PCDHA8: variants seen among roughly 807,000 people sequenced by gnomAD.
The protein encoded by PCDHA8 is protocadherin alpha-8.
In PCDHA8, 53 loss-of-function variants were observed where a neutral mutation model predicts 61.8. The ratio of observed to expected loss-of-function variants is 0.86; its 90% CI spans 0.69 to 1.08. The LOEUF (loss-of-function observed/expected upper bound fraction) is 1.08. Among genes scored for constraint, PCDHA8 ranks in the 50% least tolerant of loss-of-function variants. The pLI is 0.00. For synonymous variants in PCDHA8, 618 were observed against 556.6 expected, an observed-to-expected ratio of 1.11 and a Z score of -1.55; for missense variants, 1,293 against 1,245.0, an observed-to-expected ratio of 1.04 and a Z score of -0.58.
At chr5:140,863,660 A>G (rs1439004370) in intron 1 of PCDHA8, 2 of 293,826 alleles carry the variant, frequency 6.8e-6, no homozygotes, top group Non-Finnish European at 1.3e-5. Flanking sequence ...TGATTGCTTT[A>G]TTTATTTTGC....
intron 1 of PCDHA8, among the ~76,000 whole-genome samples, chr5:140,902,712 C>T (rs1207971068): frequency 6.6e-6 from 1 of 152,008 alleles, no homozygotes; most frequent in African/African-American, 2.4e-5. Flanking sequence ...CTTTCACTCC[C>T]CTCCCACCCT....
chr5:140,932,125 A>G (rs1272736604), intron 1 of PCDHA8, among the ~76,000 whole-genome samples: 1 of 151,932 alleles, frequency 6.6e-6, no homozygotes, highest in African/African-American at 2.4e-5. Context: ...ATAATATTTA[A>G]GATATAAACA....
chr5:140,967,747 A>G (rs782650276), intron 1 of PCDHA8: 36 of 1,614,042 alleles, frequency 2.2e-5, no homozygotes, highest in Non-Finnish European at 3.0e-5. Context: ...ATTATGAGGA[A>G]GCCTCCTCCT....
At chr5:140,924,901 A>AATAAAATAAAAT (rs145282866) in intron 1 of PCDHA8, among the ~76,000 whole-genome samples, 7 of 80,504 alleles carry the variant, frequency 8.7e-5, no homozygotes, top group Middle Eastern at 6.1e-3. Context: ...TCTCAAAAAA[A>AATAAAATAAAAT]AAAATAAAAT....
intron 1 of PCDHA8, chr5:140,883,864 G>A: frequency 6.2e-7 from 1 of 1,613,210 alleles, no homozygotes; most frequent in East Asian, 2.2e-5. Flanking sequence ...AGCTGTTGCA[G>A]TTCCAGGTGA....
At chr5:140,862,498 TG>T in intron 1 of PCDHA8, 1 of 395,232 alleles carries the variant, frequency 2.5e-6, no homozygotes, top group Non-Finnish European at 5.1e-6. Flanking sequence ...TCGCTCGGAA[TG>T]GGGACTCGCT....
intron 1 of PCDHA8, among the ~76,000 whole-genome samples, chr5:140,900,759 A>G (rs1419646582): frequency 6.6e-6 from 1 of 152,044 alleles, no homozygotes; most frequent in Non-Finnish European, 1.5e-5. Context: ...TGGTAGCTCT[A>G]TTTTTGGCTT....
intron 1 of PCDHA8, among the ~76,000 whole-genome samples, chr5:140,977,477 A>G (rs919582107): frequency 4.6e-5 from 7 of 152,230 alleles, no homozygotes. Flanking sequence ...AGATAATTTT[A>G]TGCTATGTTA....
chr5:140,989,727 A>G (rs1203211477), intron 3 of PCDHA8, among the ~76,000 whole-genome samples: 2 of 152,308 alleles, frequency 1.3e-5, no homozygotes, highest in East Asian at 3.9e-4. Flanking sequence ...TTTGCAGTTG[A>G]AAAGGCCATT....
chr5:140,989,538 T>G (rs1254500205), intron 3 of PCDHA8, among the ~76,000 whole-genome samples: 3 of 152,180 alleles, frequency 2.0e-5, no homozygotes, highest in Non-Finnish European at 4.4e-5. Flanking sequence ...GAAGATAGTT[T>G]GTAATTCCTT....
chr5:140,848,483 C>A, intron 1 of PCDHA8: 1 of 1,570,024 alleles, frequency 6.4e-7, no homozygotes, highest in Non-Finnish European at 8.7e-7. Context: ...TAGAAGAAGA[C>A]TGAGTATTTG....
rs566725560 is a variant in PCDHA8, at chr5:140,929,099, G to T, written c.2395-49850G>T. The T allele has an allele frequency of 9.3e-6, 15 of 1,614,170 alleles. No homozygotes were observed. The African/African-American group carries it at 1.9e-4, about 20-fold the overall frequency. ...GGAAGTAAGATGGTTTCAAATCCTT[G>T]CATGACATCAGCCACCATAGATGTC... On this transcript the variant is annotated intron_variant, in intron 1 of 3. Transcript: ENST00000531613.
chr5:140,933,545 A>G (rs1424166462), intron 1 of PCDHA8, among the ~76,000 whole-genome samples: 1 of 152,114 alleles, frequency 6.6e-6, no homozygotes, highest in Non-Finnish European at 1.5e-5. Flanking sequence ...TAATGTTAAT[A>G]TAAAATAAAA....
intron 3 of PCDHA8, among the ~76,000 whole-genome samples, chr5:140,996,776 A>G (rs1554255393): frequency 6.6e-6 from 1 of 152,206 alleles, no homozygotes; most frequent in Non-Finnish European, 1.5e-5. Flanking sequence ...TAAAATGAGT[A>G]GTGCCTCACT....
At chr5:140,981,457 C>T (rs910127197) in intron 2 of PCDHA8, among the ~76,000 whole-genome samples, 6 of 152,064 alleles carry the variant, frequency 3.9e-5, no homozygotes, top group African/African-American at 7.2e-5. Context: ...GCCTGTAGTC[C>T]CAGCTACTTG....
intron 1 of PCDHA8, among the ~76,000 whole-genome samples, chr5:140,907,086 A>T (rs1042352534): frequency 6.6e-6 from 1 of 152,136 alleles, no homozygotes; most frequent in East Asian, 1.9e-4. Context: ...GGTGATGGTA[A>T]GTGGTGCCAC....
At chr5:140,847,405 A>T (rs2150400080) in intron 1 of PCDHA8, 5 of 149,702 alleles carry the variant, frequency 3.3e-5, no homozygotes, top group African/African-American at 1.2e-4. Context: ...GGCACAATAA[A>T]CACTCACGGT....
chr5:140,850,669 C>T lies in PCDHA8; in HGVS notation c.2394+6954C>T, dbSNP rs2150493050. 128 of 1,598,504 alleles carry T rather than the reference C, an allele frequency of 8.0e-5. 13 individuals are homozygous for T. The highest frequency in any genetic ancestry group is 3.3e-4 in the Middle Eastern group (2 of 5,998). The stretch of plus-strand genomic sequence containing the variant: ...CTGTACACTGTGCTGCGGTGCTCGG[C>T]GATGCCCACCGAGGGCGAGTGCGCG... On this transcript the variant is annotated intron_variant, in intron 1 of 3. Transcript: ENST00000531613.
At chr5:140,882,367 C>G in intron 1 of PCDHA8, 22 of 1,614,228 alleles carry the variant, frequency 1.4e-5, no homozygotes, top group Non-Finnish European at 1.7e-5. Flanking sequence ...AGCTCCACTA[C>G]TCCGTCCCCG....
Sources: allele counts gnomAD v4.1 joint callset (sites outside exome capture counted in the v4.1 genomes callset), GRCh38; gene constraint gnomAD v4.1.1; transcripts MANE v1.5; gene names NCBI Gene and HGNC (gene_info 2026-07-23, HGNC 2026-07-21).